BPIFB3: variants seen among roughly 807,000 people sequenced by gnomAD.
The protein encoded by BPIFB3 is BPI fold containing family B member 3.
BPIFB3 carries 49 observed loss-of-function variants against 53.1 expected under a neutral mutation model. That is an observed-to-expected ratio of 0.92 (90% CI 0.73 to 1.17). BPIFB3 has a LOEUF of 1.17. Among genes scored for constraint, BPIFB3 ranks in the 50% most tolerant of loss-of-function variants. The pLI is 0.00. For missense variants in BPIFB3, 628 were observed against 592.5 expected, an observed-to-expected ratio of 1.06 and a Z score of -0.62; for synonymous variants, 271 against 269.6, an observed-to-expected ratio of 1.01 and a Z score of -0.05.
chr20:33,067,677 A>C (rs1485954816), intron 9 of BPIFB3, among the ~76,000 whole-genome samples: 1 of 152,192 alleles, frequency 6.6e-6, no homozygotes, highest in Admixed American at 6.5e-5. Context: ...GTAGGAGTGG[A>C]GAGGGACATG....
exon 4 of BPIFB3, chr20:33,059,986 T>C: frequency 6.2e-7 from 1 of 1,614,100 alleles, no homozygotes; most frequent in South Asian, 1.1e-5. Context: ...ATCCTTATCC[T>C]CAAGCGCTGC....
chr20:33,070,500 C>G (rs960066783), intron 11 of BPIFB3, among the ~76,000 whole-genome samples: 1 of 152,224 alleles, frequency 6.6e-6, no homozygotes, highest in East Asian at 1.9e-4. Flanking sequence ...GTTTGCAAAA[C>G]GCCGTGCTGG....
At chr20:33,070,749 C>G (rs545486482) in intron 11 of BPIFB3, among the ~76,000 whole-genome samples, 1 of 152,338 alleles carries the variant, frequency 6.6e-6, no homozygotes, top group African/African-American at 2.4e-5. Context: ...GCCCCATTGC[C>G]GACTTTGATG....
chr20:33,056,464 G>A, intron 1 of BPIFB3, 78 bp from the exon 3 acceptor site: 2 of 1,540,468 alleles, frequency 1.3e-6, no homozygotes, highest in Non-Finnish European at 1.8e-6. Flanking sequence ...CTCAATCTCA[G>A]AGGAAGGAGG....
At chr20:33,061,875 G>A (rs750497803) in intron 5 of BPIFB3, 44 bp downstream of exon 6, 23 of 1,606,224 alleles carry the variant, frequency 1.4e-5, no homozygotes, top group Admixed American at 1.2e-4. Flanking sequence ...TCCCAGGACT[G>A]GGCCTCTTTC....
intron 4 of BPIFB3, among the ~76,000 whole-genome samples, chr20:33,061,343 C>T (rs1980444962): frequency 6.7e-6 from 1 of 150,014 alleles, no homozygotes; most frequent in African/African-American, 2.5e-5. Context: ...GGCCATCATT[C>T]ATTCATTCAT....
At position 33,071,888 on chromosome 20, in the gene BPIFB3, A is replaced by G. The variant is rs550016864; in HGVS notation, c.1261-216A>G. 6.6e-5 allele frequency among the ~76,000 whole-genome samples: 10 copies of G among 152,328 alleles called. No homozygotes were observed. In the South Asian group the frequency reaches 2.1e-3, roughly 32 times the overall value. The stretch of plus-strand genomic sequence containing the variant: ...CTTCCAAGCTCATGGGGCCTGGGGT[A>G]AAGCCAGCCTAAATCACAGAATCTC... On this transcript the variant is annotated intron_variant, in intron 12 of 14. Transcript: ENST00000375494.
At position 33,072,281 on chromosome 20, in the gene BPIFB3, A is replaced by C. The variant is rs1401162789; in HGVS notation, c.1324+114A>C. On this transcript the variant is annotated intron_variant, in intron 13 of 14. Coordinates refer to ENST00000375494, the Ensembl canonical transcript of BPIFB3. The stretch of plus-strand genomic sequence containing the variant: ...ACACTGAGGCCAGAGAGAGAGGTCG[A>C]TCCTCATTTGCAAGATGCAGAAACT... The C allele has an allele frequency of 5.2e-6, 6 of 1,156,712 alleles. No homozygotes were observed. In the Admixed American group the frequency reaches 9.3e-5, roughly 18 times the overall value. The allele number at this position is 1,156,712 out of a possible 1,614,324, so 71.7% of individuals were successfully genotyped here. A position where few individuals can be genotyped will look rare whatever the true frequency, so the allele number is the denominator to read the frequency against.
At position 33,063,786 on chromosome 20, in the gene BPIFB3, TAG is replaced by T. The variant is rs1331072946; in HGVS notation, c.652+112_652+113del. The stretch of plus-strand genomic sequence containing the variant: ...GAAGCGGCAGGATCTCAGGGTCCTT[TAG>T]TTCCTCCTCACACTGACAGGCTGCC... On this transcript the variant is annotated intron_variant, in intron 6 of 14. Coordinates refer to ENST00000375494, the Ensembl canonical transcript of BPIFB3. The T allele has an allele frequency of 7.0e-5, 76 of 1,088,210 alleles. 1 individual carries two copies. The South Asian group carries it at 1.0e-3, about 15-fold the overall frequency. 67.4% of individuals were successfully genotyped at this position (1,088,210 alleles called of 1,614,324 possible). A position where few individuals can be genotyped will look rare whatever the true frequency, so the allele number is the denominator to read the frequency against.
rs778795564 is a variant in BPIFB3 at position 33,064,437 on chromosome 20, G to GC, written c.653-15dup. ...GAACTGGGCTTATAGGGTCGTTCTCGCCCCCACTTTCCCACGCAGGCCTGG... is the reference window on the plus strand; with the variant it reads ...GAACTGGGCTTATAGGGTCGTTCTCGCCCCCCACTTTCCCACGCAGGCCTGG... On this transcript the variant is annotated intron_variant, in intron 6 of 14. Coordinates refer to ENST00000375494, the Ensembl canonical transcript of BPIFB3. 6.2e-7 allele frequency: 1 copy of GC among 1,604,586 alleles called. No individual in the cohort carries two copies. The highest frequency in any genetic ancestry group is 8.5e-7 in the Non-Finnish European group (1 of 1,171,550).
chr20:33,058,532 TGA>T (rs1177923323), intron 2 of BPIFB3, among the ~76,000 whole-genome samples: 2 of 152,094 alleles, frequency 1.3e-5, no homozygotes, highest in Non-Finnish European at 2.9e-5. Flanking sequence ...GCCAAGCAGC[TGA>T]AATAGAGCCG....
At position 33,065,441 on chromosome 20, in the gene BPIFB3, G is replaced by A. The variant is rs566933770; in HGVS notation, c.924+596G>A. ...TGGAAGGATCATGTGAGCCTGGGAG[G>A]TCAAGGCTGAAGTGAGCTGTGATTA... On this transcript the variant is annotated intron_variant, in intron 8 of 14. Coordinates refer to ENST00000375494, the Ensembl canonical transcript of BPIFB3. Among the ~76,000 whole-genome samples the A allele has an allele frequency of 2.0e-5, 3 of 152,160 alleles. No homozygotes were observed. In the South Asian group the frequency reaches 6.2e-4, roughly 32 times the overall value.
rs144122926 is a variant in BPIFB3, at chr20:33,059,767, G to A, written c.387-124G>A. 5 of 1,373,850 alleles carry A rather than the reference G, an allele frequency of 3.6e-6. No individual in the cohort carries two copies. The East Asian group carries it at 1.2e-4, about 34-fold the overall frequency. The allele number at this position is 1,373,850 out of a possible 1,614,324, so 85.1% of individuals were successfully genotyped here. The stretch of plus-strand genomic sequence containing the variant: ...AGAGGGTGCAGGGAAGTGCAAAATG[G>A]GGCAGGGAGGCAGAGGCTGAGAAGG... On this transcript the variant is annotated intron_variant, in intron 3 of 14. Transcript: ENST00000375494.
At chr20:33,066,712 A>G (rs1404445486) in intron 8 of BPIFB3, 112 bp from the exon 10 acceptor site, 15 of 984,244 alleles carry the variant, frequency 1.5e-5, no homozygotes, top group Non-Finnish European at 2.3e-5. Flanking sequence ...TGATATATGT[A>G]TGAAATTGGC....
chr20:33,061,160 C>G (rs538998092), intron 4 of BPIFB3, among the ~76,000 whole-genome samples: 53 of 152,282 alleles, frequency 3.5e-4, no homozygotes, highest in African/African-American at 1.3e-3. Context: ...CTGGGTTGCT[C>G]CTGTCTCCAC....
intron 10 of BPIFB3, among the ~76,000 whole-genome samples, 195 bp downstream of exon 11, chr20:33,069,168 G>T (rs1272155361): frequency 6.6e-6 from 1 of 152,112 alleles, no homozygotes; most frequent in African/African-American, 2.4e-5. Context: ...GTTCCTGCCT[G>T]CTCCCTCCTG....
At chr20:33,055,400 T>C (rs373640490), upstream of BPIFB3, 5 of 1,611,140 alleles carry the variant, frequency 3.1e-6, no homozygotes, top group Middle Eastern at 3.3e-4. Flanking sequence ...GGTCTCAGAG[T>C]TCCTCCTTCT....
At chr20:33,069,754 G>A in intron 10 of BPIFB3, 134 bp from the exon 12 acceptor site, 2 of 849,188 alleles carry the variant, frequency 2.4e-6, no homozygotes, top group South Asian at 1.5e-5. Flanking sequence ...TACCTTCTCA[G>A]GGCTCAGCAC....
At position 33,068,797 on chromosome 20, in the gene BPIFB3, C is replaced by A; in HGVS notation, c.979-6C>A. ...GCATCTAAGTTATGCCCCTGCATTT[C>A]TCCAGGCCCTGGGGAAGCTGCCCCT... On this transcript the variant is annotated splice_polypyrimidine_tract_variant and splice_region_variant and intron_variant, in intron 9 of 14. Transcript: ENST00000375494. 6.2e-7 allele frequency: 1 copy of A among 1,612,614 alleles called. No individual in the cohort carries two copies.
Sources: allele counts gnomAD v4.1 joint callset (sites outside exome capture counted in the v4.1 genomes callset), GRCh38; gene constraint gnomAD v4.1.1; transcripts MANE v1.5; gene names NCBI Gene and HGNC (gene_info 2026-07-23, HGNC 2026-07-21).